DAB1: variants seen among roughly 807,000 people sequenced by gnomAD.
DAB1 encodes DAB adaptor protein 1, also known as disabled homolog 1.
In DAB1, 15 loss-of-function variants were observed where a neutral mutation model predicts 64.6. That is an observed-to-expected ratio of 0.23 (90% CI 0.16 to 0.36). The LOEUF is 0.36. DAB1 is among the 10% of genes least tolerant of loss of function. The pLI is 1.00. For synonymous variants in DAB1, 235 were observed against 251.9 expected (o/e 0.93, Z 0.64); for missense variants, 596 against 706.7 (o/e 0.84, Z 1.78).
At chr1:58,035,479 C>T (rs1328334168) in intron 5 of DAB1, among the ~76,000 whole-genome samples, 2 of 152,226 alleles carry the variant, frequency 1.3e-5, no homozygotes, top group Non-Finnish European at 2.9e-5. Context: ...ATCCTTACAA[C>T]ACCAACTACA....
At chr1:57,149,622 T>A (rs918200892) in intron 2 of DAB1, among the ~76,000 whole-genome samples, 1 of 152,210 alleles carries the variant, frequency 6.6e-6, no homozygotes, top group African/African-American at 2.4e-5. Flanking sequence ...ATTGTTCATT[T>A]GCATATCTTC....
In DAB1 at chr1:57,452,801, G is replaced by A. The variant is rs78668531; in HGVS notation, n.626-161635C>T. Among the ~76,000 whole-genome samples the A allele has an allele frequency of 4.2e-3, 639 of 152,044 alleles. 2 individuals are homozygous for A. Among genetic ancestry groups the A allele is most frequent in the African/African-American group, 0.015 (611 of 41,496 alleles). On this transcript the variant is annotated intron_variant and non_coding_transcript_variant, in intron 7 of 20. Coordinates refer to the DAB1 transcript ENST00000485760. ...TATCTGCCTTGTTCTAAACACCATTGTATTTTCAGCACCTGGCCCAAAGTA... is the reference window on the plus strand; with the variant it reads ...TATCTGCCTTGTTCTAAACACCATTATATTTTCAGCACCTGGCCCAAAGTA...
chr1:57,923,295 G>C (rs1211142157), intron 5 of DAB1, among the ~76,000 whole-genome samples: 5 of 152,136 alleles, frequency 3.3e-5, no homozygotes, highest in African/African-American at 1.2e-4. Context: ...TCCTAGCAAC[G>C]TGTGTTATGT....
intron 6 of DAB1, among the ~76,000 whole-genome samples, chr1:57,708,565 T>C (rs1009352995): frequency 6.6e-6 from 1 of 152,110 alleles, no homozygotes; most frequent in African/African-American, 2.4e-5. Context: ...TTATTCTGGG[T>C]CCCAGGCCAC....
At chr1:57,445,911 G>GA (rs889847467) in intron 7 of DAB1, among the ~76,000 whole-genome samples, 17 of 151,798 alleles carry the variant, frequency 1.1e-4, no homozygotes, top group Non-Finnish European at 1.9e-4. Flanking sequence ...GGTACATAAT[G>GA]AAAAAAAACT....
At chr1:57,312,179 C>G (rs1674772565) in intron 1 of DAB1, among the ~76,000 whole-genome samples, 1 of 152,224 alleles carries the variant, frequency 6.6e-6, no homozygotes, top group South Asian at 2.1e-4. Context: ...CTTGGGGTCT[C>G]TCCCTTAGTA....
chr1:57,066,987 A>G (rs951788341), intron 8 of DAB1, among the ~76,000 whole-genome samples: 2 of 151,074 alleles, frequency 1.3e-5, no homozygotes, highest in Non-Finnish European at 2.9e-5. Context: ...TTCAGGAGAA[A>G]TAGCTATGGA....
At chr1:57,046,766 G>A (rs943009966) in intron 9 of DAB1, among the ~76,000 whole-genome samples, 3 of 152,192 alleles carry the variant, frequency 2.0e-5, no homozygotes, top group African/African-American at 7.2e-5. Flanking sequence ...TCTACCAAAG[G>A]AGCAAGCATG....
chr1:57,280,493 C>T (rs1171594140), intron 2 of DAB1, among the ~76,000 whole-genome samples: 2 of 152,212 alleles, frequency 1.3e-5, no homozygotes, highest in African/African-American at 4.8e-5. Context: ...GACTCTCCAG[C>T]TCCGTGAAAG....
At chr1:57,896,253 A>G (rs1644390025) in intron 5 of DAB1, among the ~76,000 whole-genome samples, 1 of 152,172 alleles carries the variant, frequency 6.6e-6, no homozygotes, top group African/African-American at 2.4e-5. Flanking sequence ...GTACATCACA[A>G]GGGAGGGGAA....
At chr1:57,023,318 G>A (rs556237415) in intron 11 of DAB1, among the ~76,000 whole-genome samples, 1 of 152,360 alleles carries the variant, frequency 6.6e-6, no homozygotes, top group South Asian at 2.1e-4. Flanking sequence ...AGCTGTCTGG[G>A]TGAAAGACAT....
chr1:58,486,391 G>A (rs1645576435), intron 3 of DAB1, among the ~76,000 whole-genome samples: 1 of 152,084 alleles, frequency 6.6e-6, no homozygotes, highest in African/African-American at 2.4e-5. Context: ...TATTTCCTGC[G>A]ACCATCTTTC....
At chr1:57,021,780 C>A (rs1482181854) in intron 11 of DAB1, among the ~76,000 whole-genome samples, 1 of 152,128 alleles carries the variant, frequency 6.6e-6, no homozygotes, top group Non-Finnish European at 1.5e-5. Context: ...CCCATCTTCT[C>A]AATTATAGAG....
intron 5 of DAB1, among the ~76,000 whole-genome samples, chr1:58,134,928 T>A (rs1052603886): frequency 6.6e-6 from 1 of 152,124 alleles, no homozygotes; most frequent in South Asian, 2.1e-4. Flanking sequence ...TATCATTGAA[T>A]CAAGGCCAGG....
At chr1:57,084,305 T>C (rs1314002024) in intron 4 of DAB1, among the ~76,000 whole-genome samples, 1 of 152,084 alleles carries the variant, frequency 6.6e-6, no homozygotes, top group East Asian at 1.9e-4. Context: ...CCAGAAGAAA[T>C]GCCAAAGGCT....
At chr1:57,157,640 C>A (rs902387348) in intron 2 of DAB1, among the ~76,000 whole-genome samples, 1 of 152,058 alleles carries the variant, frequency 6.6e-6, no homozygotes, top group Non-Finnish European at 1.5e-5. Context: ...AGCCACTAAT[C>A]CCATCATGAA....
chr1:57,472,656 G>A (rs927857113), intron 7 of DAB1, among the ~76,000 whole-genome samples: 22 of 151,920 alleles, frequency 1.4e-4, no homozygotes, highest in African/African-American at 4.4e-4. Flanking sequence ...ACCCTCTCAC[G>A]CGCACCCCCT....
At chr1:57,660,796 A>G (rs1322637261) in intron 6 of DAB1, among the ~76,000 whole-genome samples, 1 of 152,168 alleles carries the variant, frequency 6.6e-6, no homozygotes, top group African/African-American at 2.4e-5. Flanking sequence ...CCTTGCTTCA[A>G]TTTGGCACAA....
intron 5 of DAB1, among the ~76,000 whole-genome samples, chr1:58,062,441 A>G (rs538088425): frequency 6.6e-6 from 1 of 152,224 alleles, no homozygotes; most frequent in African/African-American, 2.4e-5. Context: ...TGCAAGATTC[A>G]AGGAGGGCTT....
Sources: gnomAD v4.1 joint callset for allele counts (sites outside exome capture counted in the v4.1 genomes callset) on GRCh38, gnomAD v4.1.1 for gene constraint, MANE v1.5 for transcripts, NCBI Gene and HGNC (gene_info 2026-07-23, HGNC 2026-07-21) for gene names.